IQGAP1: variants seen among roughly 807,000 people sequenced by gnomAD.
IQGAP1 encodes ras GTPase-activating-like protein IQGAP1.
A neutral mutation model predicts 215.6 loss-of-function variants in IQGAP1; 66 were observed. The observed-to-expected ratio is 0.31, with a 90% confidence interval of 0.25 to 0.38. The LOEUF (loss-of-function observed/expected upper bound fraction) is 0.38. IQGAP1 is among the 10% of genes least tolerant of loss of function. IQGAP1 has a pLI of 1.00. For missense variants in IQGAP1, 1,712 were observed against 1,997.1 expected, an observed-to-expected ratio of 0.86 and a Z score of 2.72; for synonymous variants, 772 against 728.7, an observed-to-expected ratio of 1.06 and a Z score of -0.96.
rs533722180 is a variant in IQGAP1 at position 90,410,156 on chromosome 15, A to T, written c.156-15954A>T. Among the ~76,000 whole-genome samples the T allele has an allele frequency of 7.2e-5, 11 of 152,256 alleles. No individual in the cohort carries two copies. In the East Asian group the frequency reaches 1.9e-3, roughly 27 times the overall value. On this transcript the variant is annotated intron_variant, in intron 2 of 37. Transcript: ENST00000268182. ...TGTGCAGAAGCTCTAGTTTAATTAG[A>T]TCCCATTTCTCAATTTTGGCTTTTG...
At chr15:90,459,192 C>G (rs981851675) in intron 15 of IQGAP1, among the ~76,000 whole-genome samples, 12 of 152,132 alleles carry the variant, frequency 7.9e-5, no homozygotes, top group African/African-American at 2.7e-4. Context: ...GGAGGTCAAT[C>G]ACAATTAGAA....
At chr15:90,493,032 C>T (rs924972854) in intron 35 of IQGAP1, among the ~76,000 whole-genome samples, 3 of 152,044 alleles carry the variant, frequency 2.0e-5, no homozygotes, top group Admixed American at 1.3e-4. Flanking sequence ...CACTTGATGT[C>T]AGGAGTTCAA....
At chr15:90,409,139 T>C (rs1345893889) in intron 2 of IQGAP1, among the ~76,000 whole-genome samples, 1 of 152,104 alleles carries the variant, frequency 6.6e-6, no homozygotes, top group Non-Finnish European at 1.5e-5. Flanking sequence ...CTTTAGCACA[T>C]GAACATCCTC....
intron 15 of IQGAP1, among the ~76,000 whole-genome samples, chr15:90,460,720 C>A (rs888528857): frequency 6.6e-6 from 1 of 152,008 alleles, no homozygotes; most frequent in East Asian, 1.9e-4. Context: ...AAAAACTGGC[C>A]GGGTGCAGTG....
At chr15:90,495,730 C>G (rs1380862793) in intron 36 of IQGAP1, among the ~76,000 whole-genome samples, 2 of 149,370 alleles carry the variant, frequency 1.3e-5, no homozygotes, top group African/African-American at 4.9e-5. Context: ...CTTGGCCTCC[C>G]AGGTTCAAGC....
intron 5 of IQGAP1, among the ~76,000 whole-genome samples, chr15:90,438,757 C>T (rs1271745107): frequency 6.6e-6 from 1 of 151,442 alleles, no homozygotes; most frequent in South Asian, 2.1e-4. Flanking sequence ...CGGAATCTCA[C>T]ACTGTTGCCC....
At chr15:90,467,722 T>C (rs1362609728) in intron 18 of IQGAP1, 130 bp downstream of exon 18, 3 of 892,060 alleles carry the variant, frequency 3.4e-6, no homozygotes, top group Non-Finnish European at 4.8e-6. Flanking sequence ...TGAGCTGTTT[T>C]GCGGTAATTT....
Position 90,466,020 on chromosome 15 carries a change from C to A in IQGAP1, c.1796C>A (p.Ala599Asp). 1.2e-6 allele frequency: 2 copies of A among 1,614,028 alleles called. No individual in the cohort carries two copies. Among genetic ancestry groups the A allele is most frequent in the Non-Finnish European group, 1.7e-6 (2 of 1,179,946 alleles). ...ATGTAGGAAATCCAGGATGAGTCAG[C>A]TGTGTTATGGTTGGATGAAATTCAA... ...EKAQEIQDESAVLWLDEIQGG... is the reference protein window; with the variant it reads ...EKAQEIQDESDVLWLDEIQGG... The change falls in exon 16 of 38, where the codon GCT becomes GAT. Residue 599 changes from alanine to aspartate, a missense_variant. Physicochemically the swap from Ala to Asp is moderately radical, Grantham distance 126. Transcript: ENST00000268182.
chr15:90,468,876 C>G (rs1965867572), intron 18 of IQGAP1, among the ~76,000 whole-genome samples: 1 of 152,074 alleles, frequency 6.6e-6, no homozygotes, highest in South Asian at 2.1e-4. Flanking sequence ...CCAAGCACAC[C>G]CATCTCAAGT....
chr15:90,477,260 C>T, intron 25 of IQGAP1, 30 bp downstream of exon 25: 24 of 1,595,662 alleles, frequency 1.5e-5, no homozygotes, highest in Non-Finnish European at 1.7e-5. Flanking sequence ...GGGCACAGGC[C>T]CCTTCCCACT....
intron 7 of IQGAP1, 25 bp from the exon 8 acceptor site, chr15:90,441,481 T>C (rs1567127173): frequency 1.3e-6 from 2 of 1,585,872 alleles, no homozygotes; most frequent in South Asian, 2.2e-5. Flanking sequence ...TTTTTGTTGG[T>C]TTGTTTTTTT....
At chr15:90,482,165 G>A (rs1486649362) in intron 27 of IQGAP1, 32 bp from the exon 28 acceptor site, 3 of 1,614,078 alleles carry the variant, frequency 1.9e-6, no homozygotes, top group Non-Finnish European at 2.5e-6. Flanking sequence ...CTGCTCCTTG[G>A]CCCTTCTCAC....
chr15:90,419,298 T>C (rs1390796586), intron 2 of IQGAP1, among the ~76,000 whole-genome samples: 26 of 152,172 alleles, frequency 1.7e-4, no homozygotes, highest in Admixed American at 1.7e-3. Flanking sequence ...GTTGCAAAGA[T>C]TGAGATAATA....
intron 3 of IQGAP1, among the ~76,000 whole-genome samples, chr15:90,428,955 C>T (rs1436755854): frequency 2.6e-5 from 4 of 152,024 alleles, no homozygotes; most frequent in Admixed American, 2.0e-4. Flanking sequence ...CCAGGTTCAA[C>T]GATTCTCCTG....
intron 15 of IQGAP1, among the ~76,000 whole-genome samples, chr15:90,464,857 A>AG (rs1965809411): frequency 2.6e-5 from 4 of 152,132 alleles, no homozygotes; most frequent in Admixed American, 2.6e-4. Context: ...GTCTCAAAAA[A>AG]AAAAAAAATT....
chr15:90,451,685 T>C lies in IQGAP1; in HGVS notation c.1163-1090T>C, dbSNP rs374320899. On this transcript the variant is annotated intron_variant, in intron 11 of 37. Coordinates refer to ENST00000268182, the MANE Select transcript of IQGAP1 (RefSeq NM_003870.4). Reference sequence around the variant, plus strand: ...TATCAGATTTCAATGTGAGATTTGGTAGGGACAAATAAACCAATCCAAACC... The same window carrying C: ...TATCAGATTTCAATGTGAGATTTGGCAGGGACAAATAAACCAATCCAAACC... Among the ~76,000 whole-genome samples, 5 of 152,120 alleles carry C rather than the reference T, an allele frequency of 3.3e-5. No homozygotes were observed. In the East Asian group the frequency reaches 9.6e-4, roughly 29 times the overall value.
intron 2 of IQGAP1, among the ~76,000 whole-genome samples, chr15:90,401,714 C>G (rs540827704): frequency 1.3e-5 from 2 of 152,300 alleles, no homozygotes; most frequent in South Asian, 4.1e-4. Flanking sequence ...TTAACTCATT[C>G]ATCTAATAAG....
At chr15:90,410,594 C>G (rs1964946498) in intron 2 of IQGAP1, among the ~76,000 whole-genome samples, 1 of 151,738 alleles carries the variant, frequency 6.6e-6, no homozygotes, top group African/African-American at 2.4e-5. Context: ...GGACAGAAAA[C>G]CAAACACCGC....
chr15:90,390,939 A>G (rs1964627071), intron 2 of IQGAP1, 66 bp downstream of exon 2: 2 of 1,047,260 alleles, frequency 1.9e-6, no homozygotes, highest in Non-Finnish European at 3.0e-6. Flanking sequence ...AATACAAATA[A>G]AGATTGCTTT....
Sources: gnomAD v4.1 joint callset for allele counts (sites outside exome capture counted in the v4.1 genomes callset) on GRCh38, gnomAD v4.1.1 for gene constraint, MANE v1.5 for transcripts, NCBI Gene and HGNC (gene_info 2026-07-23, HGNC 2026-07-21) for gene names.